The following SLC1A3 variants were observed in gnomAD, a reference collection of about 807,000 sequenced individuals.
SLC1A3 encodes excitatory amino acid transporter 1.
A neutral mutation model predicts 48.1 loss-of-function variants in SLC1A3; 21 were observed. The observed-to-expected ratio is 0.44, with a 90% CI of 0.31 to 0.63. SLC1A3 has a LOEUF of 0.63. Among genes scored for constraint, SLC1A3 ranks in the 20% least tolerant of loss-of-function variants. The pLI is 0.08. For synonymous variants in SLC1A3, 239 were observed against 251.4 expected (o/e 0.95, Z 0.47); for missense variants, 546 against 689.0 (o/e 0.79, Z 2.32).
chr5:36,634,710 T>C (rs1740268210), intron 3 of SLC1A3, among the ~76,000 whole-genome samples: 1 of 152,206 alleles, frequency 6.6e-6, no homozygotes, highest in Non-Finnish European at 1.5e-5. Flanking sequence ...CCTCTCCATG[T>C]GACAAGCTCT....
At chr5:36,674,157 C>T in intron 5 of SLC1A3, 66 bp downstream of exon 5, 1 of 1,184,974 alleles carries the variant, frequency 8.4e-7, no homozygotes, top group Admixed American at 1.7e-5. Context: ...CCAAGTGGGA[C>T]CCTCTTTTCC....
At chr5:36,659,781 T>C (rs1741431952) in intron 3 of SLC1A3, among the ~76,000 whole-genome samples, 1 of 152,272 alleles carries the variant, frequency 6.6e-6, no homozygotes, top group Non-Finnish European at 1.5e-5. Flanking sequence ...TTAATGTTTA[T>C]GTCCTTTGCC....
intron 3 of SLC1A3, among the ~76,000 whole-genome samples, chr5:36,656,992 C>T (rs958672063): frequency 2.3e-4 from 35 of 152,286 alleles, no homozygotes; most frequent in South Asian, 6.2e-4. Context: ...AATGAATTAT[C>T]CAATTAACTT....
chr5:36,612,915 G>C (rs746683593), intron 2 of SLC1A3: 10 of 449,212 alleles, frequency 2.2e-5, no homozygotes, highest in Non-Finnish European at 3.6e-5. Context: ...AGGTAGCAAC[G>C]GAAGAGATGG....
At chr5:36,644,870 G>A (rs546592107) in intron 3 of SLC1A3, among the ~76,000 whole-genome samples, 19 of 152,314 alleles carry the variant, frequency 1.2e-4, no homozygotes, top group African/African-American at 4.6e-4. Flanking sequence ...GTCCTGTGAG[G>A]TGGTTGGTGG....
intron 2 of SLC1A3, among the ~76,000 whole-genome samples, chr5:36,623,558 G>A (rs112038299): frequency 5.9e-5 from 9 of 152,126 alleles, no homozygotes; most frequent in African/African-American, 1.9e-4. Flanking sequence ...CTTTACCACA[G>A]AGAAAGACTG....
At chr5:36,633,445 G>A (rs942739151) in intron 3 of SLC1A3, among the ~76,000 whole-genome samples, 1 of 152,138 alleles carries the variant, frequency 6.6e-6, no homozygotes, top group Admixed American at 6.5e-5. Context: ...GGGCACCCTC[G>A]AGGCAGGATT....
intron 8 of SLC1A3, among the ~76,000 whole-genome samples, chr5:36,681,121 G>T (rs949586031): frequency 2.0e-5 from 3 of 152,146 alleles, no homozygotes; most frequent in Admixed American, 6.5e-5. Context: ...AGGGAAACTT[G>T]CCTGCCATCA....
At chr5:36,623,862 CAAAAAAA>C (rs5867332) in intron 2 of SLC1A3, among the ~76,000 whole-genome samples, 2 of 113,936 alleles carry the variant, frequency 1.8e-5, no homozygotes, top group African/African-American at 3.4e-5. Flanking sequence ...GACACCGTCT[CAAAAAAA>C]AAAAAAAAAA....
chr5:36,627,856 G>A (rs1739974539), intron 2 of SLC1A3, among the ~76,000 whole-genome samples: 1 of 152,196 alleles, frequency 6.6e-6, no homozygotes, highest in African/African-American at 2.4e-5. Context: ...TGCCACTTGA[G>A]TATATTTGAC....
Position 36,686,051 on chromosome 5 carries a change from C to G in SLC1A3, c.1425-14C>G. 2 of 1,611,960 alleles carry G rather than the reference C, an allele frequency of 1.2e-6. No individual in the cohort carries two copies. The highest frequency in any genetic ancestry group is 1.7e-6 in the Non-Finnish European group (2 of 1,178,216). Reference sequence around the variant, plus strand: ...GGGAGCCTCGTTTTTCCCTCCTCCCCACCCTGCCTGCAGGGATCGCCTCCG... The same window carrying G: ...GGGAGCCTCGTTTTTCCCTCCTCCCGACCCTGCCTGCAGGGATCGCCTCCG... On this transcript the variant is annotated splice_polypyrimidine_tract_variant and intron_variant, in intron 9 of 9. Transcript: ENST00000265113.
At chr5:36,599,122 T>C (rs543733134) in intron 1 of SLC1A3, among the ~76,000 whole-genome samples, 1 of 152,334 alleles carries the variant, frequency 6.6e-6, no homozygotes, top group South Asian at 2.1e-4. Flanking sequence ...AATGGTTACA[T>C]GTGGCTAGTG....
In SLC1A3 at chr5:36,626,955, G is replaced by C. The variant is rs1409835155; in HGVS notation, c.182-2495G>C. Among the ~76,000 whole-genome samples, 3 of 151,998 alleles carry C rather than the reference G, an allele frequency of 2.0e-5. No homozygotes were observed. In the South Asian group the frequency reaches 6.2e-4, roughly 32 times the overall value. ...TAAGATCTATCAAACTTGTGAGGGG[G>C]GAGGGAAATTAAAATGTATAAACTC... On this transcript the variant is annotated intron_variant, in intron 2 of 9. Coordinates refer to ENST00000265113, the MANE Select transcript of SLC1A3 (RefSeq NM_004172.5).
intron 4 of SLC1A3, among the ~76,000 whole-genome samples, chr5:36,671,643 A>G (rs1261843860): frequency 6.6e-6 from 1 of 152,272 alleles, no homozygotes; most frequent in Non-Finnish European, 1.5e-5. Flanking sequence ...ATCATTGCCC[A>G]CTATGCACAA....
chr5:36,604,869 A>G (rs1738861488), upstream of SLC1A3, among the ~76,000 whole-genome samples: 1 of 140,922 alleles, frequency 7.1e-6, no homozygotes, highest in Non-Finnish European at 1.5e-5. Flanking sequence ...CCCTTGCAAT[A>G]CAAGTCAAAG....
At position 36,685,477 on chromosome 5, in the gene SLC1A3, T is replaced by C. The variant is rs543106647; in HGVS notation, c.1425-588T>C. On this transcript the variant is annotated intron_variant, in intron 9 of 9. Coordinates refer to ENST00000265113, the MANE Select transcript of SLC1A3 (RefSeq NM_004172.5). ...TTTTTAGTAGAGACGGGTTTCACCA[T>C]GTTGGCCAGGCTGGTCTCGAACTCC... 4.3e-3 allele frequency among the ~76,000 whole-genome samples: 658 copies of C among 152,306 alleles called. 6 individuals are homozygous for C. The highest frequency in any genetic ancestry group is 0.015 in the African/African-American group (628 of 41,562).
At chr5:36,636,468 TTTC>T (rs1740367001) in intron 3 of SLC1A3, 5 of 31,860 alleles carry the variant, frequency 1.6e-4, no homozygotes, top group East Asian at 2.1e-3. Flanking sequence ...CTTTCTTTTC[TTTC>T]TTTCTTTCTT....
chr5:36,652,865 G>A lies in SLC1A3; in HGVS notation c.320-18164G>A, dbSNP rs994270940. Among the ~76,000 whole-genome samples the A allele has an allele frequency of 2.6e-5, 4 of 152,192 alleles. 1 individual carries two copies. Among genetic ancestry groups the A allele is most frequent in the Admixed American group, 1.3e-4 (2 of 15,274 alleles). ...TAAAAATTGAACTACAGAAATTGGCGTGACTGCTGTGAATAGCAAACTTGG... is the reference window on the plus strand; with the variant it reads ...TAAAAATTGAACTACAGAAATTGGCATGACTGCTGTGAATAGCAAACTTGG... On this transcript the variant is annotated intron_variant, in intron 3 of 9. Coordinates refer to ENST00000265113, the MANE Select transcript of SLC1A3 (RefSeq NM_004172.5).
intron 2 of SLC1A3, among the ~76,000 whole-genome samples, chr5:36,615,998 C>G (rs1387814302): frequency 6.6e-6 from 1 of 152,120 alleles, no homozygotes; most frequent in Admixed American, 6.5e-5. Flanking sequence ...GAGTTCAAGA[C>G]CAGCCTGGCC....
Sources: gnomAD v4.1 joint callset for allele counts (sites outside exome capture counted in the v4.1 genomes callset) on GRCh38, gnomAD v4.1.1 for gene constraint, MANE v1.5 for transcripts, NCBI Gene and HGNC (gene_info 2026-07-23, HGNC 2026-07-21) for gene names.